The following ANO2 variants were observed in gnomAD, a reference collection of about 807,000 sequenced individuals.
ANO2 encodes anoctamin 2.
Under a neutral mutation model 124.2 loss-of-function variants are expected in ANO2, and 101 were observed. The ratio of observed to expected loss-of-function variants is 0.81; its 90% CI spans 0.69 to 0.96. ANO2 has a LOEUF of 0.96. ANO2 is among the 40% of genes least tolerant of loss of function. The probability of loss-of-function intolerance (pLI) is 0.00; values close to 1 mark genes in which losing one functional copy is unlikely to be tolerated. For missense variants in ANO2, 1,293 were observed against 1,274.5 expected, an observed-to-expected ratio of 1.01 and a Z score of -0.22; for synonymous variants, 486 against 482.5, an observed-to-expected ratio of 1.01 and a Z score of -0.09.
intron 3 of ANO2, among the ~76,000 whole-genome samples, chr12:5,916,262 G>GT (rs1227790387): frequency 2.0e-5 from 3 of 152,226 alleles, no homozygotes; most frequent in Non-Finnish European, 4.4e-5. Context: ...GGGTGACAGA[G>GT]TGAGGCCTGG....
chr12:5,708,657 G>T (rs1296964942), intron 14 of ANO2, among the ~76,000 whole-genome samples: 1 of 152,156 alleles, frequency 6.6e-6, no homozygotes, highest in Non-Finnish European at 1.5e-5. Context: ...TTCCTTATCT[G>T]CAAGATAGGG....
chr12:5,920,036 A>AATGGATGG lies in ANO2; in HGVS notation c.534+996_534+1003dup, dbSNP rs558209463. Reference sequence around the variant, plus strand: ...TTAAAGGATCACTGTGGTGTGGATAAATGGATGGATGGATGGATGGATGGA... The same window carrying AATGGATGG: ...TTAAAGGATCACTGTGGTGTGGATAAATGGATGGATGGATGGATGGATGGATGGATGGA... On this transcript the variant is annotated intron_variant, in intron 3 of 24. Coordinates refer to ENST00000682330, the MANE Select transcript of ANO2 (RefSeq NM_001364791.2). Among the ~76,000 whole-genome samples, 1,368 of 145,612 alleles carry AATGGATGG rather than the reference A, an allele frequency of 9.4e-3. 20 individuals carry two copies. The highest frequency in any genetic ancestry group is 0.044 in the Admixed American group (644 of 14,600).
intron 3 of ANO2, among the ~76,000 whole-genome samples, chr12:5,890,529 ATAAT>A (rs1939317798): frequency 6.6e-6 from 1 of 152,252 alleles, no homozygotes; most frequent in Non-Finnish European, 1.5e-5. Flanking sequence ...ATTCAGCCTA[ATAAT>A]TTCTTGCCAA....
intron 20 of ANO2, chr12:5,583,725 A>T (rs1482563686): frequency 1.9e-5 from 3 of 155,842 alleles, no homozygotes; most frequent in Non-Finnish European, 2.8e-5. Flanking sequence ...TGCTTAAAGA[A>T]GTTGAATATT....
At chr12:5,696,305 C>G (rs746231577) in intron 14 of ANO2, among the ~76,000 whole-genome samples, 1 of 152,100 alleles carries the variant, frequency 6.6e-6, no homozygotes, top group Non-Finnish European at 1.5e-5. Context: ...TTTAAAATCA[C>G]AAAGGCAACA....
intron 10 of ANO2, among the ~76,000 whole-genome samples, chr12:5,775,608 T>C (rs1952213436): frequency 6.6e-6 from 1 of 151,952 alleles, no homozygotes; most frequent in Admixed American, 6.6e-5. Flanking sequence ...AGTACAGGCG[T>C]CTGCCACCAC....
intron 3 of ANO2, among the ~76,000 whole-genome samples, chr12:5,867,025 C>G (rs1565734992): frequency 6.6e-6 from 1 of 152,180 alleles, no homozygotes; most frequent in East Asian, 1.9e-4. Context: ...AACAGAATGA[C>G]AGAACAAGCC....
At chr12:5,935,345 G>A (rs189474619) in intron 1 of ANO2, among the ~76,000 whole-genome samples, 12 of 152,292 alleles carry the variant, frequency 7.9e-5, no homozygotes, top group African/African-American at 2.2e-4. Flanking sequence ...TGTGAAAGTC[G>A]AGAGGATTGT....
chr12:5,778,846 T>C lies in ANO2; in HGVS notation c.1055+20661A>G, dbSNP rs16933882. 8.8e-3 allele frequency among the ~76,000 whole-genome samples: 1,338 copies of C among 152,332 alleles called. 17 individuals are homozygous for C. Among genetic ancestry groups the C allele is most frequent in the African/African-American group, 0.029 (1,190 of 41,570 alleles). On this transcript the variant is annotated intron_variant, in intron 10 of 24. Coordinates refer to ENST00000682330, the MANE Select transcript of ANO2 (RefSeq NM_001364791.2). ...GATCAATTGTAAATTTAAAGGCTTATAGAATTTTGATGGAGGTGTGGAATG... is the reference window on the plus strand; with the variant it reads ...GATCAATTGTAAATTTAAAGGCTTACAGAATTTTGATGGAGGTGTGGAATG...
upstream of ANO2, chr12:5,946,001 A>T (rs1943085897): frequency 1.2e-6 from 1 of 861,084 alleles, no homozygotes; most frequent in South Asian, 1.6e-5. The surrounding 1 kb of genome is among the most constrained non-coding windows in gnomAD (Gnocchi z 4.1). Flanking sequence ...GGGCAGGGGG[A>T]TGGGAGGGAA....
intron 3 of ANO2, among the ~76,000 whole-genome samples, chr12:5,864,523 A>T (rs944295285): frequency 1.3e-5 from 2 of 152,198 alleles, no homozygotes; most frequent in African/African-American, 2.4e-5. Flanking sequence ...CTGCAAGTGG[A>T]ATCAGATGCT....
chr12:5,673,188 C>T (rs1948090192), intron 14 of ANO2, among the ~76,000 whole-genome samples: 1 of 152,340 alleles, frequency 6.6e-6, no homozygotes, highest in South Asian at 2.1e-4. Flanking sequence ...GAACCCCTTG[C>T]TCAGCAAGGC....
Position 5,904,689 on chromosome 12 carries a change from C to A in ANO2, c.534+16351G>T, listed in dbSNP as rs1356483342. Reference sequence around the variant, plus strand: ...CGATCTTCAAATTTTGCAGTGTCATCCTCTAGCCTTGCTCCCCCTGGGAAG... The same window carrying A: ...CGATCTTCAAATTTTGCAGTGTCATACTCTAGCCTTGCTCCCCCTGGGAAG... On this transcript the variant is annotated intron_variant, in intron 3 of 24. Transcript: ENST00000682330. The surrounding 1 kb of genome is among the most constrained non-coding windows in gnomAD (Gnocchi z 4.1). 1.3e-5 allele frequency among the ~76,000 whole-genome samples: 2 copies of A among 152,190 alleles called. No individual in the cohort carries two copies.
At chr12:5,838,039 C>T (rs996830311) in intron 4 of ANO2, among the ~76,000 whole-genome samples, 10 of 152,126 alleles carry the variant, frequency 6.6e-5, no homozygotes, top group African/African-American at 2.4e-4. Context: ...ATATCACCAC[C>T]GATCCCACAG....
At chr12:5,685,509 G>C (rs991645503) in intron 14 of ANO2, among the ~76,000 whole-genome samples, 1 of 152,208 alleles carries the variant, frequency 6.6e-6, no homozygotes, top group African/African-American at 2.4e-5. Context: ...CTGGGGCTGG[G>C]CACAGTGGCT....
At chr12:5,861,629 C>T (rs984417865) in intron 3 of ANO2, among the ~76,000 whole-genome samples, 6 of 152,136 alleles carry the variant, frequency 3.9e-5, no homozygotes, top group African/African-American at 1.4e-4. Flanking sequence ...ACTCTGGTCC[C>T]GGGCCCTGCT....
chr12:5,727,198 A>G (rs973498775), intron 14 of ANO2, among the ~76,000 whole-genome samples: 2 of 152,064 alleles, frequency 1.3e-5, no homozygotes, highest in Admixed American at 1.3e-4. Context: ...GTCTTTGCAA[A>G]AGTGAGTGAG....
intron 1 of ANO2, among the ~76,000 whole-genome samples, chr12:5,928,030 C>T (rs1366035838): frequency 1.3e-5 from 2 of 152,132 alleles, no homozygotes; most frequent in Non-Finnish European, 2.9e-5. Context: ...AGGAGCAAGA[C>T]AGGGCCAGAT....
chr12:5,830,561 C>T, intron 5 of ANO2, 72 bp from the exon 6 acceptor site: 4 of 1,392,628 alleles, frequency 2.9e-6, no homozygotes, highest in Non-Finnish European at 4.0e-6. Context: ...CCACCCCAGA[C>T]CCACAACAAA....
Sources: gnomAD v4.1 joint callset for allele counts (sites outside exome capture counted in the v4.1 genomes callset) on GRCh38, gnomAD v4.1.1 for gene constraint, Gnocchi (gnomAD v3.1) non-coding constraint, MANE v1.5 for transcripts, NCBI Gene and HGNC (gene_info 2026-07-23, HGNC 2026-07-21) for gene names.